Variants in SNTG1 observed in about 807,000 individuals in gnomAD.
The protein encoded by SNTG1 is syntrophin gamma 1, also known as gamma-1-syntrophin.
Under a neutral mutation model 74.7 loss-of-function variants are expected in SNTG1, and 39 were observed. The ratio of observed to expected loss-of-function variants is 0.52; its 90% CI spans 0.40 to 0.68. SNTG1 has a LOEUF of 0.68. Ranked by LOEUF, SNTG1 falls within the 30% of genes least tolerant of loss-of-function variation. SNTG1 has a pLI of 0.00. For missense variants in SNTG1, 685 were observed against 609.5 expected, an observed-to-expected ratio of 1.12 and a Z score of -1.30; for synonymous variants, 254 against 217.1, an observed-to-expected ratio of 1.17 and a Z score of -1.49.
intron 15 of SNTG1, among the ~76,000 whole-genome samples, chr8:50,696,655 C>T (rs1249809532): frequency 6.6e-6 from 1 of 151,922 alleles, no homozygotes; most frequent in African/African-American, 2.4e-5. Context: ...CTGCATATGG[C>T]CATCCAATTT....
chr8:50,472,354 G>A (rs1053324810), intron 8 of SNTG1, among the ~76,000 whole-genome samples: 1 of 152,176 alleles, frequency 6.6e-6, no homozygotes, highest in African/African-American at 2.4e-5. Flanking sequence ...CCACATTGTA[G>A]ATGTGATGAA....
intron 1 of SNTG1, among the ~76,000 whole-genome samples, chr8:50,062,339 G>A (rs909602474): frequency 3.3e-5 from 5 of 152,170 alleles, no homozygotes; most frequent in South Asian, 2.1e-4. Context: ...GAGCCATGGC[G>A]CCAGACCAGA....
intron 9 of SNTG1, among the ~76,000 whole-genome samples, chr8:50,511,719 C>T (rs1188834975): frequency 3.3e-5 from 5 of 152,104 alleles, no homozygotes; most frequent in Admixed American, 3.3e-4. Context: ...TCTGTTTTAT[C>T]AGAGACTAGG....
chr8:50,492,171 T>C (rs1296337470), intron 8 of SNTG1, among the ~76,000 whole-genome samples: 2 of 152,200 alleles, frequency 1.3e-5, no homozygotes, highest in Non-Finnish European at 2.9e-5. Flanking sequence ...GTCTTAGTTG[T>C]TGTAAACAGT....
intron 15 of SNTG1, among the ~76,000 whole-genome samples, chr8:50,679,577 C>T (rs368649036): frequency 3.3e-4 from 51 of 152,264 alleles, no homozygotes; most frequent in African/African-American, 1.2e-3. Flanking sequence ...TGATATCAGT[C>T]ATGCTAACAA....
At chr8:50,151,223 T>C (rs1346074948) in intron 1 of SNTG1, among the ~76,000 whole-genome samples, 1 of 152,224 alleles carries the variant, frequency 6.6e-6, no homozygotes, top group Non-Finnish European at 1.5e-5. Flanking sequence ...TGTTCTCTGA[T>C]GGTAGTTTGT....
intron 1 of SNTG1, among the ~76,000 whole-genome samples, chr8:49,935,202 A>AGTGTGTGTGT (rs140067006): frequency 1.1e-3 from 149 of 133,878 alleles, no homozygotes; most frequent in African/African-American, 3.7e-3. Flanking sequence ...GCCAAGCAGA[A>AGTGTGTGTGT]GTGTGTGTGT....
intron 4 of SNTG1, among the ~76,000 whole-genome samples, chr8:50,433,039 C>T (rs1206832858): frequency 2.0e-5 from 3 of 152,148 alleles, no homozygotes; most frequent in African/African-American, 7.2e-5. Context: ...ATCCACCTGC[C>T]TCGGCCTCCC....
chr8:50,265,706 T>C (rs2087428771), intron 2 of SNTG1, among the ~76,000 whole-genome samples: 1 of 152,018 alleles, frequency 6.6e-6, no homozygotes, highest in East Asian at 1.9e-4. Context: ...GGCATGATAT[T>C]ATAGGTAGAA....
At chr8:50,150,094 G>T (rs983356224) in intron 1 of SNTG1, among the ~76,000 whole-genome samples, 2 of 152,040 alleles carry the variant, frequency 1.3e-5, no homozygotes, top group African/African-American at 4.8e-5. Context: ...AGTTCTCCTT[G>T]AAGAGGTCCT....
chr8:50,750,071 T>C (rs748116137), intron 17 of SNTG1, among the ~76,000 whole-genome samples: 2 of 152,064 alleles, frequency 1.3e-5, no homozygotes, highest in Non-Finnish European at 2.9e-5. Flanking sequence ...TGCCATTACA[T>C]TATATATGAT....
chr8:50,770,210 T>G (rs1303285649), intron 18 of SNTG1, among the ~76,000 whole-genome samples: 4 of 152,102 alleles, frequency 2.6e-5, no homozygotes, highest in African/African-American at 9.7e-5. Flanking sequence ...GGCTGGATTT[T>G]CAGAATGGCA....
At chr8:50,765,460 G>C (rs943940128) in intron 18 of SNTG1, among the ~76,000 whole-genome samples, 1 of 151,868 alleles carries the variant, frequency 6.6e-6, no homozygotes, top group African/African-American at 2.4e-5. Flanking sequence ...TGTTGTGAGG[G>C]TCCTGGGGTC....
chr8:50,145,963 T>A (rs2081848340), intron 1 of SNTG1, among the ~76,000 whole-genome samples: 2 of 121,050 alleles, frequency 1.7e-5, no homozygotes, highest in Non-Finnish European at 3.3e-5. Flanking sequence ...ACTTAAAGTA[T>A]AATAATAATA....
At chr8:50,514,918 ATATATT>A (rs1409651259) in intron 9 of SNTG1, among the ~76,000 whole-genome samples, 2 of 152,188 alleles carry the variant, frequency 1.3e-5, no homozygotes, top group East Asian at 3.8e-4. Context: ...AGGTGCCTAT[ATATATT>A]TATAATTGTT....
At chr8:49,941,866 A>G (rs1487473011) in intron 1 of SNTG1, among the ~76,000 whole-genome samples, 1 of 152,140 alleles carries the variant, frequency 6.6e-6, no homozygotes, top group Non-Finnish European at 1.5e-5. Flanking sequence ...GTGTTTATTT[A>G]CTTGTTTTTA....
chr8:50,428,685 G>T (rs1052359996), intron 4 of SNTG1, among the ~76,000 whole-genome samples: 3 of 152,116 alleles, frequency 2.0e-5, no homozygotes, highest in Non-Finnish European at 4.4e-5. Context: ...CTGAGAGCTT[G>T]CCTGGGGAAT....
intron 2 of SNTG1, among the ~76,000 whole-genome samples, chr8:50,268,116 A>C (rs1482730460): frequency 6.6e-6 from 1 of 152,242 alleles, no homozygotes; most frequent in African/African-American, 2.4e-5. Flanking sequence ...TGTACTAATA[A>C]TAAACATGAG....
At chr8:50,388,190 T>C (rs970228337) in intron 2 of SNTG1, among the ~76,000 whole-genome samples, 1 of 152,154 alleles carries the variant, frequency 6.6e-6, no homozygotes, top group Non-Finnish European at 1.5e-5. Context: ...GGCTAGTAAT[T>C]TGAAATCCTA....
Sources: gnomAD v4.1 joint callset for allele counts (sites outside exome capture counted in the v4.1 genomes callset) on GRCh38, gnomAD v4.1.1 for gene constraint, MANE v1.5 for transcripts, NCBI Gene and HGNC (gene_info 2026-07-23, HGNC 2026-07-21) for gene names.